The following USP25 variants were observed in gnomAD, a reference collection of about 807,000 sequenced individuals.
USP25 encodes the protein ubiquitin carboxyl-terminal hydrolase 25.
Under a neutral mutation model 158.5 loss-of-function variants are expected in USP25, and 85 were observed. The observed-to-expected ratio is 0.54, with a 90% CI of 0.45 to 0.64. The LOEUF (loss-of-function observed/expected upper bound fraction) is 0.64, where lower values mean the gene tolerates loss of function less well. USP25 is among the 30% of genes least tolerant of loss of function. The pLI, the probability that USP25 is intolerant of heterozygous loss-of-function variation, is 0.00. For synonymous variants in USP25, 464 were observed against 460.4 expected (o/e 1.01, Z -0.10); for missense variants, 1,242 against 1,327.3 (o/e 0.94, Z 1.00).
intron 2 of USP25, 42 bp downstream of exon 2, chr21:15,763,010 T>C: frequency 6.5e-7 from 1 of 1,545,386 alleles, no homozygotes; most frequent in Non-Finnish European, 8.8e-7. Flanking sequence ...TGGTATATGC[T>C]CATCTCTAGT....
chr21:15,856,611 A>G (rs1447421303), intron 20 of USP25, among the ~76,000 whole-genome samples: 2 of 152,060 alleles, frequency 1.3e-5, no homozygotes, highest in Non-Finnish European at 2.9e-5. Flanking sequence ...AGCTGGGACT[A>G]CAGGTGCCCG....
intron 8 of USP25, among the ~76,000 whole-genome samples, chr21:15,809,125 C>A (rs1217124971): frequency 6.6e-6 from 1 of 152,150 alleles, no homozygotes; most frequent in East Asian, 1.9e-4. Flanking sequence ...ATTCAATAAT[C>A]ACTTTTCATG....
rs556792888 is a variant in USP25 at position 15,875,280 on chromosome 21, T to A, written c.3009+754T>A. On this transcript the variant is annotated intron_variant, in intron 24 of 25. Transcript: ENST00000400183. This position sits in a 1 kb window ranked among gnomAD's most constrained non-coding sequence, Gnocchi z 4.7. ...TAGTATAGCTGACTTTAAACATACA[T>A]AGAACCAAAACCTGATGGTTCCTCT... 6.6e-6 allele frequency among the ~76,000 whole-genome samples: 1 copy of A among 152,178 alleles called. No homozygotes were observed. Among genetic ancestry groups the A allele is most frequent in the South Asian group, 2.1e-4 (1 of 4,838 alleles).
At position 15,843,325 on chromosome 21, in the gene USP25, C is replaced by A. The variant is rs187506529; in HGVS notation, c.2337+785C>A. ...AATATTTGAAGATTCCCCTTGACAA[C>A]TAAAAAGAGTACGACATATCATAAT... On this transcript the variant is annotated intron_variant, in intron 18 of 25. Transcript: ENST00000400183. This position sits in a 1 kb window ranked among gnomAD's most constrained non-coding sequence, Gnocchi z 4.0. 6.6e-6 allele frequency among the ~76,000 whole-genome samples: 1 copy of A among 152,120 alleles called. No homozygotes were observed. Among genetic ancestry groups the A allele is most frequent in the African/African-American group, 2.4e-5 (1 of 41,420 alleles).
intron 14 of USP25, among the ~76,000 whole-genome samples, chr21:15,829,831 G>A (rs1321776336): frequency 6.6e-6 from 1 of 151,944 alleles, no homozygotes; most frequent in Non-Finnish European, 1.5e-5. Context: ...TTCCTATAAG[G>A]TTACTAGTTT....
In USP25 at chr21:15,818,818, C is replaced by G; in HGVS notation, c.1052C>G (p.Ser351Ter). The change falls in exon 10 of 26, where the codon TCA (serine) becomes TGA (stop). Residue 351 changes from serine to a stop codon, truncating the protein, a stop_gained. Coordinates refer to ENST00000400183, the MANE Select transcript of USP25 (RefSeq NM_001283041.3). LOFTEE classifies it high-confidence loss of function. ...MIEGEIESLH[S>*]ENSGKSGQEH... is the part of the protein sequence containing the mutation. ...GAAGGAGAAATTGAGTCTTTACATT[C>G]AGAGAATTCAGGAAAATCAGGCCAA... 1.2e-6 allele frequency: 2 copies of G among 1,613,752 alleles called. No homozygotes were observed. Among genetic ancestry groups the G allele is most frequent in the Non-Finnish European group, 1.7e-6 (2 of 1,179,760 alleles).
chr21:15,776,703 A>G (rs1252848733), intron 3 of USP25, among the ~76,000 whole-genome samples: 1 of 152,044 alleles, frequency 6.6e-6, no homozygotes, highest in Non-Finnish European at 1.5e-5. Context: ...AAATTAGCCA[A>G]GTGGTGCATG....
At chr21:15,803,700 G>C (rs1366082987) in intron 6 of USP25, among the ~76,000 whole-genome samples, 2 of 151,674 alleles carry the variant, frequency 1.3e-5, no homozygotes, top group African/African-American at 4.8e-5. Context: ...ACTTAGGTGC[G>C]GTGATAAAGA....
At chr21:15,869,260 A>C (rs2146582043) in intron 22 of USP25, among the ~76,000 whole-genome samples, 1 of 152,252 alleles carries the variant, frequency 6.6e-6, no homozygotes, top group South Asian at 2.1e-4. Context: ...AAAAAAAAAA[A>C]AAAAGTTTAT....
intron 17 of USP25, among the ~76,000 whole-genome samples, chr21:15,838,413 A>G (rs2038164590): frequency 1.3e-5 from 2 of 152,092 alleles, no homozygotes; most frequent in South Asian, 2.1e-4. Context: ...TAGTCACACA[A>G]TAAGGAGGCA....
intron 1 of USP25, among the ~76,000 whole-genome samples, chr21:15,733,205 G>A (rs1259085836): frequency 7.3e-6 from 1 of 137,752 alleles, no homozygotes; most frequent in Non-Finnish European, 1.5e-5. Context: ...ATTATTGGGA[G>A]GAGTTTTGCT....
chr21:15,842,307 T>C (rs2038373500), intron 17 of USP25, 91 bp from the exon 18 acceptor site: 3 of 1,386,152 alleles, frequency 2.2e-6, no homozygotes, highest in Non-Finnish European at 2.9e-6. Context: ...GGTTCTTACA[T>C]AACTTCAGAC....
intron 3 of USP25, among the ~76,000 whole-genome samples, chr21:15,777,400 AAAATGTATGTGT>A (rs1478895406): frequency 6.6e-6 from 1 of 152,204 alleles, no homozygotes; most frequent in Admixed American, 6.5e-5. Context: ...CAGAATTTAA[AAAATGTATGTGT>A]AAATGTACAT....
At position 15,847,745 on chromosome 21, in the gene USP25, T is replaced by C. The variant is rs73346799; in HGVS notation, c.2420T>C (p.Ile807Thr). The C allele has an allele frequency of 2.6e-6, 4 of 1,550,100 alleles. No individual in the cohort carries two copies. The South Asian group carries it at 3.6e-5, about 14-fold the overall frequency. The change falls in exon 19 of 26, where the codon ATT becomes ACT. Residue 807 changes from isoleucine to threonine, a missense_variant. Coordinates refer to ENST00000400183, the MANE Select transcript of USP25 (RefSeq NM_001283041.3). ...ATCCCTCATGTAGGGAAATTTATGA[T>C]TGAATCAAAGGAGGGGGGGTATGAT... ...VAIPHVGKFMIESKEGGYDDE... is the reference protein window; with the variant it reads ...VAIPHVGKFMTESKEGGYDDE...
At chr21:15,842,639 G>A in intron 18 of USP25, 99 bp downstream of exon 18, 1 of 1,432,062 alleles carries the variant, frequency 7.0e-7, no homozygotes, top group South Asian at 1.4e-5. Context: ...GAGAGACGGG[G>A]CCCAGTGATG....
At chr21:15,781,082 A>T (rs973795990) in intron 4 of USP25, among the ~76,000 whole-genome samples, 5 of 152,192 alleles carry the variant, frequency 3.3e-5, no homozygotes, top group African/African-American at 1.2e-4. Context: ...CAGCAGTGTA[A>T]CTTGAAAAAG....
chr21:15,825,041 A>G lies in USP25; in HGVS notation c.1284A>G (p.Val428=), dbSNP rs771517587. ...EIKRLKDYLT[V]LQQRLERYLS... is the part of the protein sequence containing the mutation. ...AGAGACTGAAAGATTACCTCACGGT[A>G]TTACAACAAAGGCTAGAAAGGTATT... Residue 428 remains valine, a synonymous_variant, in exon 12 of 26, where the codon GTA becomes GTG. Coordinates refer to ENST00000400183, the MANE Select transcript of USP25 (RefSeq NM_001283041.3). 3.1e-6 allele frequency: 5 copies of G among 1,609,596 alleles called. No individual in the cohort carries two copies. Among genetic ancestry groups the G allele is most frequent in the Non-Finnish European group, 4.2e-6 (5 of 1,177,804 alleles).
intron 10 of USP25, among the ~76,000 whole-genome samples, chr21:15,820,054 A>G (rs2146333960): frequency 6.6e-6 from 1 of 152,198 alleles, no homozygotes; most frequent in Non-Finnish European, 1.5e-5. Flanking sequence ...CTGCACAAGT[A>G]ATTCTGATAA....
chr21:15,759,144 G>T (rs1041144130), intron 1 of USP25, among the ~76,000 whole-genome samples: 1 of 152,108 alleles, frequency 6.6e-6, no homozygotes, highest in Non-Finnish European at 1.5e-5. Flanking sequence ...AATTATAAAG[G>T]ATTTTATATT....
Sources: gnomAD v4.1 joint callset for allele counts (sites outside exome capture counted in the v4.1 genomes callset) on GRCh38, gnomAD v4.1.1 for gene constraint, Gnocchi (gnomAD v3.1) non-coding constraint, MANE v1.5 for transcripts, NCBI Gene and HGNC (gene_info 2026-07-23, HGNC 2026-07-21) for gene names.